Variants in TOP1 observed in about 807,000 individuals in gnomAD.
TOP1 encodes DNA topoisomerase I.
In TOP1, 10 loss-of-function variants were observed where a neutral mutation model predicts 111.1. That is an observed-to-expected ratio of 0.09 (90% CI 0.06 to 0.15). The LOEUF is 0.15. Among genes scored for constraint, TOP1 ranks in the 10% least tolerant of loss-of-function variants. The pLI, the probability that TOP1 is intolerant of heterozygous loss-of-function variation, is 1.00. For synonymous variants in TOP1, 271 were observed against 302.9 expected, an observed-to-expected ratio of 0.89 and a Z score of 1.10; for missense variants, 474 against 926.7, an observed-to-expected ratio of 0.51 and a Z score of 6.34.
intron 13 of TOP1, among the ~76,000 whole-genome samples, chr20:41,103,020 T>C (rs1175980242): frequency 6.6e-6 from 1 of 152,000 alleles, no homozygotes; most frequent in Admixed American, 6.6e-5. Context: ...GCAGAGTATG[T>C]TGAGGATAGG....
At chr20:41,113,721 A>AAG (rs1555807478) in intron 14 of TOP1, among the ~76,000 whole-genome samples, 2 of 151,214 alleles carry the variant, frequency 1.3e-5, no homozygotes, top group Non-Finnish European at 3.0e-5. Context: ...AATACAAAAA[A>AAG]AAAAAAAAAA....
At chr20:41,065,964 GAAAA>G (rs913662003) in intron 3 of TOP1, among the ~76,000 whole-genome samples, 1 of 149,320 alleles carries the variant, frequency 6.7e-6, no homozygotes, top group African/African-American at 2.5e-5. Flanking sequence ...GATGTGGTGT[GAAAA>G]AAAAAATTAG....
At chr20:41,040,533 A>C (rs1361266433) in intron 2 of TOP1, among the ~76,000 whole-genome samples, 1 of 152,184 alleles carries the variant, frequency 6.6e-6, no homozygotes, top group Non-Finnish European at 1.5e-5. Flanking sequence ...GGCTTGTTAC[A>C]CTTGATTTCC....
At chr20:41,065,323 C>A (rs539986016) in intron 3 of TOP1, among the ~76,000 whole-genome samples, 11 of 152,276 alleles carry the variant, frequency 7.2e-5, no homozygotes, top group African/African-American at 2.2e-4. Context: ...TAATTCCCAT[C>A]TCTCTTTCTT....
At chr20:41,055,466 T>C (rs776597511) in intron 2 of TOP1, among the ~76,000 whole-genome samples, 1 of 152,334 alleles carries the variant, frequency 6.6e-6, no homozygotes, top group Non-Finnish European at 1.5e-5. Context: ...TGTGCCCTTA[T>C]TGGCTTTACT....
intron 3 of TOP1, among the ~76,000 whole-genome samples, chr20:41,063,325 T>C (rs1476851381): frequency 2.0e-5 from 3 of 152,228 alleles, no homozygotes; most frequent in African/African-American, 7.2e-5. Context: ...AACATTTTCT[T>C]TATCCAATCC....
rs559980136 is a variant in TOP1, at chr20:41,105,034, T to C, written c.1308+3681T>C. Among the ~76,000 whole-genome samples, 11 of 152,336 alleles carry C rather than the reference T, an allele frequency of 7.2e-5. No homozygotes were observed. In the East Asian group the frequency reaches 2.1e-3, roughly 29 times the overall value. On this transcript the variant is annotated intron_variant, in intron 13 of 20. Transcript: ENST00000361337. ...ATCTGGCTTTGTAAAATCTTAAAAT[T>C]ATGTCTTATGTGCTCAATTGTTTTA... is the stretch of plus-strand genomic sequence containing the variant.
At chr20:41,070,366 T>C (rs1209196272) in intron 3 of TOP1, among the ~76,000 whole-genome samples, 1 of 152,186 alleles carries the variant, frequency 6.6e-6, no homozygotes, top group African/African-American at 2.4e-5. Flanking sequence ...ACCTTGAAGT[T>C]TTGATACTTC....
chr20:41,112,600 G>A lies in TOP1; in HGVS notation c.1309-182G>A, dbSNP rs1287337542. ...CTTGCTTTGTCACCCATGGTGGAGTGCAGTGGCGTGATCTTGGCTCACTGC... is the reference window on the plus strand; with the variant it reads ...CTTGCTTTGTCACCCATGGTGGAGTACAGTGGCGTGATCTTGGCTCACTGC... On this transcript the variant is annotated intron_variant, in intron 13 of 20. Coordinates refer to ENST00000361337, the MANE Select transcript of TOP1 (RefSeq NM_003286.4). The surrounding 1 kb of genome is among the most constrained non-coding windows in gnomAD (Gnocchi z 5.8). Among the ~76,000 whole-genome samples, 4 of 152,226 alleles carry A rather than the reference G, an allele frequency of 2.6e-5. No individual in the cohort carries two copies. Among genetic ancestry groups the A allele is most frequent in the Non-Finnish European group, 5.9e-5 (4 of 68,036 alleles).
In TOP1 at chr20:41,061,473, G is replaced by A. The variant is rs2145927024; in HGVS notation, c.138G>A (p.Lys46=). ...ACAAGAAGGAGAAGGACCGGGAAAAGTCCAAGCATAGCAACAGGTAAGGGT... is the reference window on the plus strand; with the variant it reads ...ACAAGAAGGAGAAGGACCGGGAAAAATCCAAGCATAGCAACAGGTAAGGGT... ...KEHKKEKDRE[K]SKHSNSEHKD... is the part of the protein sequence containing the mutation. Residue 46 remains lysine, a synonymous_variant, in exon 3 of 21, where the codon AAG becomes AAA. Coordinates refer to ENST00000361337, the MANE Select transcript of TOP1 (RefSeq NM_003286.4). The surrounding 1 kb of genome is among the most constrained non-coding windows in gnomAD (Gnocchi z 4.6). 6.2e-7 allele frequency: 1 copy of A among 1,604,350 alleles called. No homozygotes were observed. The highest frequency in any genetic ancestry group is 8.5e-7 in the Non-Finnish European group (1 of 1,174,446).
Position 41,029,348 on chromosome 20 carries a change from G to A in TOP1, c.34-83G>A. 1 of 1,302,790 alleles carries A rather than the reference G, an allele frequency of 7.7e-7. No individual in the cohort carries two copies. Among genetic ancestry groups the A allele is most frequent in the Non-Finnish European group, 1.0e-6 (1 of 977,964 alleles). The allele number at this position is 1,302,790 out of a possible 1,614,324, so 80.7% of individuals were successfully genotyped here. A position where few individuals can be genotyped will look rare whatever the true frequency, so the allele number is the denominator to read the frequency against. Reference sequence around the variant, plus strand: ...CCCGTCCTCCCCGGGGGCGCAGGGTGAGCCAGACCCCGGCCGCGCGCGCTC... The same window carrying A: ...CCCGTCCTCCCCGGGGGCGCAGGGTAAGCCAGACCCCGGCCGCGCGCGCTC... On this transcript the variant is annotated intron_variant, in intron 1 of 20. Transcript: ENST00000361337. The surrounding 1 kb of genome is among the most constrained non-coding windows in gnomAD (Gnocchi z 6.1).
chr20:41,054,595 A>G lies in TOP1; in HGVS notation c.59-6799A>G, dbSNP rs186135885. Among the ~76,000 whole-genome samples, 180 of 152,312 alleles carry G rather than the reference A, an allele frequency of 1.2e-3. 1 individual carries two copies. Among genetic ancestry groups the G allele is most frequent in the African/African-American group, 4.0e-3 (166 of 41,570 alleles). ...GAAACTTGAGTTGAGATAGTGTTTG[A>G]AAGCACGCTAGCATGGTGCTGGCAC... On this transcript the variant is annotated intron_variant, in intron 2 of 20. Coordinates refer to ENST00000361337, the MANE Select transcript of TOP1 (RefSeq NM_003286.4).
chr20:41,051,215 T>C (rs2033401518), intron 2 of TOP1, among the ~76,000 whole-genome samples: 1 of 152,206 alleles, frequency 6.6e-6, no homozygotes, highest in African/African-American at 2.4e-5. Context: ...TACACTTGAC[T>C]TGATGATTAT....
rs57349578 is a variant in TOP1 at position 41,077,948 on chromosome 20, A to ATT, written c.335+332_335+333dup. 4.8e-4 allele frequency among the ~76,000 whole-genome samples: 62 copies of ATT among 129,518 alleles called. 1 individual carries two copies. The highest frequency in any genetic ancestry group is 3.0e-3 in the South Asian group (12 of 3,992). The allele number at this position is 129,518 out of a possible 152,430, so 85.0% of individuals were successfully genotyped here. A position where few individuals can be genotyped will look rare whatever the true frequency, so the allele number is the denominator to read the frequency against. ...GTATTTTAATGGTATACAGTGTACC[A>ATT]TTTTTTTTTTTTTTTTTTTTTTAGT... On this transcript the variant is annotated intron_variant, in intron 5 of 20. Coordinates refer to ENST00000361337, the MANE Select transcript of TOP1 (RefSeq NM_003286.4).
chr20:41,119,510 T>C (rs898469196), intron 18 of TOP1, among the ~76,000 whole-genome samples: 2 of 152,222 alleles, frequency 1.3e-5, no homozygotes, highest in African/African-American at 4.8e-5. Flanking sequence ...AATTATAGAT[T>C]TTTTCTCATC....
chr20:41,042,294 GT>G lies in TOP1; in HGVS notation c.58+12842del, dbSNP rs572001950. Among the ~76,000 whole-genome samples, 71 of 152,280 alleles carry G rather than the reference GT, an allele frequency of 4.7e-4. 1 individual carries two copies. In the South Asian group the frequency reaches 0.012, roughly 25 times the overall value. On this transcript the variant is annotated intron_variant, in intron 2 of 20. Coordinates refer to ENST00000361337, the MANE Select transcript of TOP1 (RefSeq NM_003286.4). ...GCTTGATACTTCACTCTAAGTTATAGTTTCTACCTTTCAGTGAGCATTTACC... is the reference window on the plus strand; with the variant it reads ...GCTTGATACTTCACTCTAAGTTATAGTTCTACCTTTCAGTGAGCATTTACC...
rs2034362344 is a variant in TOP1, at chr20:41,118,069, C to T, written c.1823-100C>T. On this transcript the variant is annotated intron_variant, in intron 17 of 20. Coordinates refer to ENST00000361337, the MANE Select transcript of TOP1 (RefSeq NM_003286.4). The surrounding 1 kb of genome is among the most constrained non-coding windows in gnomAD (Gnocchi z 4.6). ...TTAATCATCTGAGTAAGATAAGAGC[C>T]AGCAAAATCATGGGGACGAGGCACT... 8 of 1,342,502 alleles carry T rather than the reference C, an allele frequency of 6.0e-6. No individual in the cohort carries two copies. The highest frequency in any genetic ancestry group is 7.1e-6 in the Non-Finnish European group (7 of 991,830). 83.2% of individuals were successfully genotyped at this position (1,342,502 alleles called of 1,614,324 possible). A position where few individuals can be genotyped will look rare whatever the true frequency, so the allele number is the denominator to read the frequency against.
chr20:41,070,393 G>A (rs981621937), intron 3 of TOP1, among the ~76,000 whole-genome samples: 7 of 152,094 alleles, frequency 4.6e-5, no homozygotes, highest in Admixed American at 2.0e-4. Context: ...ATAAAACGCC[G>A]GAGTCCTTGT....
In TOP1 at chr20:41,029,543, A is replaced by C; in HGVS notation, c.58+88A>C. On this transcript the variant is annotated intron_variant, in intron 2 of 20. Coordinates refer to ENST00000361337, the MANE Select transcript of TOP1 (RefSeq NM_003286.4). This position sits in a 1 kb window ranked among gnomAD's most constrained non-coding sequence, Gnocchi z 6.1. ...TGCCGGTGCCGGGCAGAGGACAGAC[A>C]TGGCGTCCCAGAGACTAAGTCCCGG... 1 of 1,078,488 alleles carries C rather than the reference A, an allele frequency of 9.3e-7. No homozygotes were observed. Among genetic ancestry groups the C allele is most frequent in the Non-Finnish European group, 1.4e-6 (1 of 725,164 alleles). 66.8% of individuals were successfully genotyped at this position (1,078,488 alleles called of 1,614,324 possible).
Sources: allele counts gnomAD v4.1 joint callset (sites outside exome capture counted in the v4.1 genomes callset), GRCh38; gene constraint gnomAD v4.1.1; non-coding constraint Gnocchi (gnomAD v3.1); transcripts MANE v1.5; gene names NCBI Gene and HGNC (gene_info 2026-07-23, HGNC 2026-07-21).